LIN28B: variants seen among roughly 807,000 people sequenced by gnomAD.
LIN28B encodes lin-28 RNA binding posttranscriptional regulator B.
Under a neutral mutation model 21.9 loss-of-function variants are expected in LIN28B, and 5 were observed. The ratio of observed to expected loss-of-function variants is 0.23; its 90% CI spans 0.12 to 0.48. The LOEUF (loss-of-function observed/expected upper bound fraction) is 0.48, where lower values mean the gene tolerates loss of function less well. Among genes scored for constraint, LIN28B ranks in the 20% least tolerant of loss-of-function variants. The pLI, the probability that LIN28B is intolerant of heterozygous loss-of-function variation, is 0.98. For synonymous variants in LIN28B, 109 were observed against 111.3 expected (o/e 0.98, Z 0.13); for missense variants, 245 against 310.5 (o/e 0.79, Z 1.58).
intron 3 of LIN28B, among the ~76,000 whole-genome samples, chr6:105,064,307 A>G (rs1037744647): frequency 3.3e-5 from 5 of 152,244 alleles, no homozygotes; most frequent in Non-Finnish European, 7.3e-5. Flanking sequence ...TAGATCAAGT[A>G]TATTGACATG....
At chr6:104,937,629 G>A (rs1204019071) in intron 2 of LIN28B, among the ~76,000 whole-genome samples, 1 of 152,110 alleles carries the variant, frequency 6.6e-6, no homozygotes, top group Non-Finnish European at 1.5e-5. Context: ...TTTCAACATT[G>A]TAACACTCAA....
At chr6:105,067,163 A>T (rs886762528) in intron 3 of LIN28B, among the ~76,000 whole-genome samples, 1 of 152,206 alleles carries the variant, frequency 6.6e-6, no homozygotes, top group Non-Finnish European at 1.5e-5. Context: ...CTAAGCAAGC[A>T]CCTAATTTTA....
chr6:104,957,086 GGA>G (rs1778300175), upstream of LIN28B: 1 of 1,517,336 alleles, frequency 6.6e-7, no homozygotes, highest in African/African-American at 1.4e-5. Flanking sequence ...GCCAGAAACT[GGA>G]GAGAGGAGAG....
intron 2 of LIN28B, among the ~76,000 whole-genome samples, chr6:104,986,532 CAAA>C (rs71003463): frequency 2.4e-3 from 339 of 139,832 alleles, no homozygotes; most frequent in Middle Eastern, 7.0e-3. Context: ...TCATTTCTAC[CAAA>C]AAAAAAAAAA....
intron 2 of LIN28B, among the ~76,000 whole-genome samples, chr6:104,943,281 C>T (rs1337954188): frequency 2.0e-5 from 3 of 152,062 alleles, no homozygotes; most frequent in Non-Finnish European, 2.9e-5. Context: ...TTTGATAATG[C>T]TTGGTATCTG....
chr6:104,946,342 T>G (rs933768225), intron 2 of LIN28B, among the ~76,000 whole-genome samples: 2 of 152,138 alleles, frequency 1.3e-5, no homozygotes, highest in Non-Finnish European at 2.9e-5. Flanking sequence ...CAGCTACATC[T>G]ATGATTAAAG....
chr6:105,002,896 T>C (rs935445880), intron 2 of LIN28B, among the ~76,000 whole-genome samples: 1 of 152,132 alleles, frequency 6.6e-6, no homozygotes, highest in African/African-American at 2.4e-5. Flanking sequence ...TACTACAAAG[T>C]TGGGCTTCTG....
At chr6:105,018,298 A>G (rs1439731375) in intron 2 of LIN28B, among the ~76,000 whole-genome samples, 1 of 152,132 alleles carries the variant, frequency 6.6e-6, no homozygotes, top group Non-Finnish European at 1.5e-5. Flanking sequence ...AAAAAAAAAT[A>G]AAATAAAATT....
intron 3 of LIN28B, among the ~76,000 whole-genome samples, chr6:105,053,811 C>A (rs1368547262): frequency 6.6e-6 from 1 of 151,876 alleles, no homozygotes; most frequent in African/African-American, 2.4e-5. Context: ...CAGCTCACTG[C>A]AACCTCAGCC....
At chr6:104,969,160 G>A (rs543791632) in intron 2 of LIN28B, among the ~76,000 whole-genome samples, 3 of 152,134 alleles carry the variant, frequency 2.0e-5, no homozygotes, top group Non-Finnish European at 4.4e-5. Context: ...TAAACTGTGC[G>A]TTAGAAATTT....
Position 105,063,844 on chromosome 6 carries a change from A to ATTT in LIN28B, c.384-14561_384-14559dup, listed in dbSNP as rs56230771. Among the ~76,000 whole-genome samples the ATTT allele has an allele frequency of 1.8e-3, 260 of 147,550 alleles. 3 individuals carry two copies. In the South Asian group the frequency reaches 0.018, roughly 10 times the overall value. ...CAACATAGTGAGACTCAGTCTTAAA[A>ATTT]TTTTTTTTTTTCAGAATTCTATTTT... On this transcript the variant is annotated intron_variant, in intron 3 of 3. Transcript: ENST00000345080.
intron 2 of LIN28B, among the ~76,000 whole-genome samples, chr6:104,972,116 G>A (rs1769995176): frequency 6.6e-6 from 1 of 151,990 alleles, no homozygotes; most frequent in African/African-American, 2.4e-5. Context: ...GACTACAGGT[G>A]CACGCCACCA....
At chr6:104,943,497 T>C (rs1378977803) in intron 2 of LIN28B, among the ~76,000 whole-genome samples, 1 of 152,182 alleles carries the variant, frequency 6.6e-6, no homozygotes, top group East Asian at 1.9e-4. Context: ...GGAAATGATC[T>C]ATAAACATTT....
intron 2 of LIN28B, among the ~76,000 whole-genome samples, chr6:104,966,701 A>C (rs1466536115): frequency 6.7e-6 from 1 of 148,882 alleles, no homozygotes; most frequent in Non-Finnish European, 1.5e-5. Flanking sequence ...GGCTCACTGC[A>C]AGCTCCGCCT....
At chr6:104,994,295 C>T (rs566658348) in intron 2 of LIN28B, among the ~76,000 whole-genome samples, 31 of 152,334 alleles carry the variant, frequency 2.0e-4, no homozygotes, top group Middle Eastern at 3.4e-3. Context: ...TGAGCCACCG[C>T]GCCTGACCGA....
intron 3 of LIN28B, among the ~76,000 whole-genome samples, chr6:105,036,261 C>G (rs1028184958): frequency 1.3e-5 from 2 of 152,104 alleles, no homozygotes; most frequent in Admixed American, 6.5e-5. Flanking sequence ...CTTGTACTTC[C>G]TACTAATGAC....
upstream of LIN28B, chr6:104,957,070 C>T (rs1219955329): frequency 6.8e-7 from 1 of 1,480,194 alleles, no homozygotes; most frequent in Non-Finnish European, 8.9e-7. Flanking sequence ...CACGTGTGCT[C>T]AGGGGGCCAG....
At chr6:104,960,390 T>TA (rs1562072336) in intron 2 of LIN28B, among the ~76,000 whole-genome samples, 1 of 152,242 alleles carries the variant, frequency 6.6e-6, no homozygotes, top group East Asian at 1.9e-4. Context: ...CATAGAATTT[T>TA]AAAAAACATT....
chr6:105,024,147 C>T (rs897259400), intron 2 of LIN28B, among the ~76,000 whole-genome samples: 1 of 152,070 alleles, frequency 6.6e-6, no homozygotes, highest in Non-Finnish European at 1.5e-5. Flanking sequence ...CGCCACCACA[C>T]CTGGCTAATT....
Sources: allele counts gnomAD v4.1 joint callset (sites outside exome capture counted in the v4.1 genomes callset), GRCh38; gene constraint gnomAD v4.1.1; transcripts MANE v1.5; gene names NCBI Gene and HGNC (gene_info 2026-07-23, HGNC 2026-07-21).